MRTFA: variants seen among roughly 807,000 people sequenced by gnomAD.
MRTFA encodes the protein myocardin related transcription factor A.
Under a neutral mutation model 83.5 loss-of-function variants are expected in MRTFA, and 20 were observed. The observed-to-expected ratio is 0.24, with a 90% confidence interval of 0.17 to 0.35. The LOEUF (loss-of-function observed/expected upper bound fraction) is 0.35. Among genes scored for constraint, MRTFA ranks in the 10% least tolerant of loss-of-function variants. MRTFA has a pLI of 1.00. For synonymous variants in MRTFA, 659 were observed against 541.2 expected (o/e 1.22, Z -3.02); for missense variants, 1,200 against 1,224.7 (o/e 0.98, Z 0.30).
At chr22:40,460,886 G>A (rs775846618) in intron 4 of MRTFA, among the ~76,000 whole-genome samples, 15 of 152,116 alleles carry the variant, frequency 9.9e-5, no homozygotes, top group Non-Finnish European at 1.9e-4. Context: ...TAAGCTCCCT[G>A]GGCTGATGTT....
intron 3 of MRTFA, among the ~76,000 whole-genome samples, chr22:40,542,543 C>A (rs1049447169): frequency 1.3e-5 from 2 of 152,096 alleles, no homozygotes; most frequent in African/African-American, 4.8e-5. Context: ...GTGCTAAGAT[C>A]TTAATAATCA....
At chr22:40,594,316 T>C (rs1272580191) in intron 2 of MRTFA, among the ~76,000 whole-genome samples, 1 of 152,162 alleles carries the variant, frequency 6.6e-6, no homozygotes, top group African/African-American at 2.4e-5. Context: ...CCACCCTAAA[T>C]TGGTTTACAT....
At chr22:40,536,411 C>T (rs1338025950) in intron 3 of MRTFA, among the ~76,000 whole-genome samples, 6 of 150,500 alleles carry the variant, frequency 4.0e-5, no homozygotes, top group Non-Finnish European at 8.9e-5. Flanking sequence ...GCGAGCGCCG[C>T]CCGGGAGGCA....
intron 3 of MRTFA, among the ~76,000 whole-genome samples, chr22:40,473,557 A>AT (rs1344522180): frequency 6.6e-6 from 1 of 152,044 alleles, no homozygotes; most frequent in African/African-American, 2.4e-5. Context: ...TAATTGGTAT[A>AT]TTTTTTCTCT....
chr22:40,561,927 T>C (rs117038330), intron 2 of MRTFA, among the ~76,000 whole-genome samples: 1,712 of 152,276 alleles, frequency 0.011, 13 homozygotes, highest in Non-Finnish European at 0.019. Context: ...CTTGGAGCCC[T>C]GTGCCCCCAT....
intron 6 of MRTFA, 123 bp downstream of exon 6, chr22:40,431,282 C>G: frequency 1.1e-6 from 1 of 895,930 alleles, no homozygotes; most frequent in South Asian, 1.5e-5. Flanking sequence ...TGTTAAGGCT[C>G]TGGCTTACCC....
chr22:40,433,446 GC>G (rs1752935730), intron 5 of MRTFA: 1 of 152,168 alleles, frequency 6.6e-6, no homozygotes, highest in South Asian at 2.1e-4. Flanking sequence ...TTCAGCCTGG[GC>G]AACATAGCAA....
At chr22:40,423,337 A>T (rs1000080235) in intron 9 of MRTFA, among the ~76,000 whole-genome samples, 199 bp downstream of exon 9, 4 of 152,198 alleles carry the variant, frequency 2.6e-5, no homozygotes, top group African/African-American at 7.2e-5. Flanking sequence ...GCCAGCCCAT[A>T]GCCACGAATA....
chr22:40,586,809 C>G (rs1602464740), intron 2 of MRTFA: 4 of 377,000 alleles, frequency 1.1e-5, no homozygotes, highest in Admixed American at 9.5e-5. Context: ...TGCTTAAAAA[C>G]AACAACCTTC....
intron 4 of MRTFA, among the ~76,000 whole-genome samples, chr22:40,453,287 G>T (rs1412966381): frequency 6.6e-6 from 1 of 152,186 alleles, no homozygotes; most frequent in Non-Finnish European, 1.5e-5. Context: ...ACTAGGTAGG[G>T]TTCTCTGCCT....
intron 2 of MRTFA, among the ~76,000 whole-genome samples, chr22:40,580,075 ACTT>A (rs761315513): frequency 6.6e-6 from 1 of 152,232 alleles, no homozygotes; most frequent in Non-Finnish European, 1.5e-5. Flanking sequence ...CATTCATTGT[ACTT>A]CTTCAAAAAC....
intron 3 of MRTFA, among the ~76,000 whole-genome samples, chr22:40,546,597 G>A (rs2055368360): frequency 6.6e-6 from 1 of 152,232 alleles, no homozygotes; most frequent in Non-Finnish European, 1.5e-5. Context: ...AAGCCATAAA[G>A]CAGTTGAGTC....
At chr22:40,627,424 A>G (rs2056594610) in intron 1 of MRTFA, among the ~76,000 whole-genome samples, 1 of 152,188 alleles carries the variant, frequency 6.6e-6, no homozygotes, top group African/African-American at 2.4e-5. Flanking sequence ...CTTATTTGGC[A>G]AGTATTAATT....
intron 3 of MRTFA, among the ~76,000 whole-genome samples, chr22:40,489,139 A>C (rs2054224528): frequency 6.6e-6 from 1 of 152,178 alleles, no homozygotes; most frequent in African/African-American, 2.4e-5. Context: ...ATAATAAAAC[A>C]CAAGACACAA....
chr22:40,571,873 G>A (rs1395974029), intron 2 of MRTFA, among the ~76,000 whole-genome samples: 15 of 131,522 alleles, frequency 1.1e-4, no homozygotes, highest in East Asian at 4.7e-4. Context: ...GCAGTGAGCC[G>A]AGATCACGCC....
intron 4 of MRTFA, among the ~76,000 whole-genome samples, chr22:40,459,820 C>CACACACACACATAT (rs1602278609): frequency 4.8e-5 from 4 of 82,938 alleles, no homozygotes; most frequent in African/African-American, 1.7e-4. Context: ...CACACACACA[C>CACACACACACATAT]ACATATATAC....
intron 11 of MRTFA, 88 bp downstream of exon 11, chr22:40,420,317 G>A (rs2052801714): frequency 3.4e-6 from 5 of 1,466,714 alleles, no homozygotes; most frequent in East Asian, 2.3e-5. Flanking sequence ...TAGGCTGGCT[G>A]CCTTCCCTGC....
At chr22:40,418,027 G>A (rs1438702417) in intron 12 of MRTFA, among the ~76,000 whole-genome samples, 1 of 152,088 alleles carries the variant, frequency 6.6e-6, no homozygotes, top group Admixed American at 6.5e-5. Context: ...CCTCTCCCCG[G>A]GGCAGGCTAC....
At chr22:40,510,253 A>G (rs2054646508) in intron 3 of MRTFA, among the ~76,000 whole-genome samples, 1 of 152,172 alleles carries the variant, frequency 6.6e-6, no homozygotes, top group Non-Finnish European at 1.5e-5. Context: ...GGTGTCACAC[A>G]TTAAGCAAAT....
Sources: gnomAD v4.1 joint callset for allele counts (sites outside exome capture counted in the v4.1 genomes callset) on GRCh38, gnomAD v4.1.1 for gene constraint, MANE v1.5 for transcripts, NCBI Gene and HGNC (gene_info 2026-07-23, HGNC 2026-07-21) for gene names.